POU6F2: variants seen among roughly 807,000 people sequenced by gnomAD.
POU6F2 encodes POU class 6 homeobox 2, also known as POU domain, class 6, transcription factor 2.
In POU6F2, 31 loss-of-function variants were observed where a neutral mutation model predicts 71.3. The ratio of observed to expected loss-of-function variants is 0.43; its 90% CI spans 0.33 to 0.59. POU6F2 has a LOEUF of 0.59. Ranked by LOEUF, POU6F2 falls within the 20% of genes least tolerant of loss-of-function variation. POU6F2 has a pLI of 0.04. For synonymous variants in POU6F2, 347 were observed against 355.7 expected, an observed-to-expected ratio of 0.98 and a Z score of 0.27; for missense variants, 783 against 856.8, an observed-to-expected ratio of 0.91 and a Z score of 1.07.
At chr7:39,248,543 T>C (rs1165844830) in intron 4 of POU6F2, among the ~76,000 whole-genome samples, 1 of 152,206 alleles carries the variant, frequency 6.6e-6, no homozygotes, top group African/African-American at 2.4e-5. Context: ...CCTTTCTGCA[T>C]TGAATTCTTA....
chr7:39,015,361 ATATAATATATTATG>A (rs1440012428), intron 1 of POU6F2, among the ~76,000 whole-genome samples: 1 of 131,974 alleles, frequency 7.6e-6, no homozygotes, highest in African/African-American at 2.9e-5. Context: ...GATATATATT[ATATAATATATTATG>A]TATAATATAT....
rs543494567 is a variant in POU6F2, at chr7:39,255,857, A to G, written c.598+48237A>G. 4.6e-5 allele frequency among the ~76,000 whole-genome samples: 7 copies of G among 152,162 alleles called. No homozygotes were observed. The East Asian group carries it at 1.4e-3, about 29-fold the overall frequency. On this transcript the variant is annotated intron_variant, in intron 4 of 9. Coordinates refer to ENST00000518318, the MANE Select transcript of POU6F2 (RefSeq NM_001370959.1). ...TTAAAAGCAGTACTGCCCCTCTCAA[A>G]TTTCCAGCCATGAGCTCCTCCAGGT... is the stretch of plus-strand genomic sequence containing the variant.
At chr7:39,173,055 T>C (rs769586472) in intron 2 of POU6F2, among the ~76,000 whole-genome samples, 5 of 152,234 alleles carry the variant, frequency 3.3e-5, no homozygotes, top group Non-Finnish European at 7.3e-5. Context: ...AAGAGGAAAC[T>C]AATTTTAATA....
intron 2 of POU6F2, among the ~76,000 whole-genome samples, chr7:39,102,008 G>T (rs574109368): frequency 1.3e-5 from 2 of 152,026 alleles, no homozygotes; most frequent in South Asian, 4.2e-4. Flanking sequence ...TTATTTTTTG[G>T]TCTTCTGATC....
chr7:39,013,925 A>G (rs188055550), intron 1 of POU6F2, among the ~76,000 whole-genome samples: 2 of 152,294 alleles, frequency 1.3e-5, no homozygotes, highest in East Asian at 3.9e-4. Context: ...GAATTTATGC[A>G]CTTAATTTAT....
chr7:39,200,506 G>C (rs186587926), intron 2 of POU6F2, among the ~76,000 whole-genome samples: 1 of 152,240 alleles, frequency 6.6e-6, no homozygotes, highest in African/African-American at 2.4e-5. Flanking sequence ...TGCTTTGTAG[G>C]CTCTTCAGGA....
At chr7:39,232,126 T>C (rs1007228321) in intron 4 of POU6F2, among the ~76,000 whole-genome samples, 1 of 152,190 alleles carries the variant, frequency 6.6e-6, no homozygotes, top group Non-Finnish European at 1.5e-5. Context: ...GAGATATAAA[T>C]TGATACAAAT....
At chr7:39,373,798 T>C (rs1039033685) in intron 5 of POU6F2, 5 of 271,538 alleles carry the variant, frequency 1.8e-5, no homozygotes, top group Non-Finnish European at 3.7e-5. Flanking sequence ...TGTATCTGTG[T>C]CCTCTATAAT....
chr7:39,224,566 CAA>C (rs1794427840), intron 4 of POU6F2, among the ~76,000 whole-genome samples: 1 of 152,138 alleles, frequency 6.6e-6, no homozygotes. Flanking sequence ...TCCACTCCCT[CAA>C]CACACATCTT....
intron 2 of POU6F2, among the ~76,000 whole-genome samples, chr7:39,133,235 C>T (rs1792325398): frequency 6.6e-6 from 1 of 152,214 alleles, no homozygotes; most frequent in African/African-American, 2.4e-5. Context: ...TCAGCTGTTG[C>T]TGGGGCTTCA....
At chr7:39,140,779 T>C (rs938457141) in intron 2 of POU6F2, among the ~76,000 whole-genome samples, 3 of 152,128 alleles carry the variant, frequency 2.0e-5, no homozygotes, top group African/African-American at 7.2e-5. Context: ...CTGCCTGCCA[T>C]GGAGAGGGAG....
At chr7:39,244,844 T>G (rs145462405) in intron 4 of POU6F2, among the ~76,000 whole-genome samples, 1 of 152,296 alleles carries the variant, frequency 6.6e-6, no homozygotes, top group East Asian at 1.9e-4. Context: ...CAGCTGCCCC[T>G]TACCCAGAAA....
chr7:39,321,810 GAGGA>G (rs1785398391), intron 4 of POU6F2, among the ~76,000 whole-genome samples: 2 of 151,436 alleles, frequency 1.3e-5, no homozygotes, highest in South Asian at 4.2e-4. Flanking sequence ...AGGAAGAAAG[GAGGA>G]AGGGAGAGGG....
At chr7:39,399,363 C>A (rs1787247529) in intron 5 of POU6F2, among the ~76,000 whole-genome samples, 1 of 152,186 alleles carries the variant, frequency 6.6e-6, no homozygotes, top group Admixed American at 6.5e-5. Flanking sequence ...AGACTGACCC[C>A]CACTTCAGCT....
chr7:39,419,117 ATATGTGTATATATACACATATATATACG>A (rs1388645351), intron 6 of POU6F2, among the ~76,000 whole-genome samples: 1 of 136,672 alleles, frequency 7.3e-6, no homozygotes, highest in African/African-American at 2.9e-5. Context: ...ATATACGTAT[ATATGTGTATATATACACATATATATACG>A]TATATATGTG....
intron 4 of POU6F2, among the ~76,000 whole-genome samples, chr7:39,212,905 CAT>C (rs1293372867): frequency 6.6e-6 from 1 of 152,110 alleles, no homozygotes; most frequent in African/African-American, 2.4e-5. Context: ...TTTTTTGAAA[CAT>C]AGGCAGGAAA....
intron 2 of POU6F2, among the ~76,000 whole-genome samples, chr7:39,188,918 G>C (rs1793601121): frequency 6.6e-6 from 1 of 152,172 alleles, no homozygotes; most frequent in South Asian, 2.1e-4. Context: ...TCTGCTTTCA[G>C]CTGACATTTC....
intron 4 of POU6F2, among the ~76,000 whole-genome samples, chr7:39,330,490 G>C (rs1363298557): frequency 6.6e-6 from 1 of 152,038 alleles, no homozygotes; most frequent in Non-Finnish European, 1.5e-5. Flanking sequence ...TTTGTTTATA[G>C]GTTGTTCCAA....
chr7:39,256,826 G>T (rs1159735679), intron 4 of POU6F2, among the ~76,000 whole-genome samples: 2 of 152,086 alleles, frequency 1.3e-5, no homozygotes, highest in Non-Finnish European at 1.5e-5. Flanking sequence ...AGCTGAAAAA[G>T]GCAAGGAAAC....
Sources: allele counts gnomAD v4.1 joint callset (sites outside exome capture counted in the v4.1 genomes callset), GRCh38; gene constraint gnomAD v4.1.1; transcripts MANE v1.5; gene names NCBI Gene and HGNC (gene_info 2026-07-23, HGNC 2026-07-21).